The following PPM1E variants were observed in gnomAD, a reference collection of about 807,000 sequenced individuals.
PPM1E encodes protein phosphatase, Mg2+/Mn2+ dependent 1E, also known as protein phosphatase 1E.
In PPM1E, 20 loss-of-function variants were observed where a neutral mutation model predicts 65.9. That is an observed-to-expected ratio of 0.30 (90% CI 0.21 to 0.44). The LOEUF is 0.44. PPM1E is among the 20% of genes least tolerant of loss of function. PPM1E has a pLI of 1.00. For missense variants in PPM1E, 713 were observed against 953.1 expected (o/e 0.75, Z 3.32); for synonymous variants, 352 against 374.9 (o/e 0.94, Z 0.70).
intron 1 of PPM1E, among the ~76,000 whole-genome samples, chr17:58,866,490 G>A (rs527993477): frequency 1.3e-5 from 2 of 152,306 alleles, no homozygotes; most frequent in African/African-American, 2.4e-5. Context: ...GGAGTCTTAC[G>A]CCTTAGCGGC....
chr17:58,943,534 C>T (rs554510164), intron 1 of PPM1E, among the ~76,000 whole-genome samples: 3 of 152,278 alleles, frequency 2.0e-5, no homozygotes, highest in African/African-American at 7.2e-5. Context: ...TCTGATATGA[C>T]GATTTCATAT....
At chr17:58,828,126 G>A (rs1275950824) in intron 1 of PPM1E, among the ~76,000 whole-genome samples, 4 of 150,670 alleles carry the variant, frequency 2.7e-5, no homozygotes, top group African/African-American at 9.8e-5. Flanking sequence ...GGCTGAGGCA[G>A]GAGAATCACT....
rs999965295 is a variant in PPM1E, at chr17:58,982,726, T to C, written c.*1695T>C. ...ACTTTCAGTATTTGTTTTCTCTTGATTTTGAAGTCATTTCTTCTTCTCACG... is the reference window on the plus strand; with the variant it reads ...ACTTTCAGTATTTGTTTTCTCTTGACTTTGAAGTCATTTCTTCTTCTCACG... On this transcript the variant is annotated 3_prime_UTR_variant, in exon 7 of 7. Coordinates refer to ENST00000308249, the MANE Select transcript of PPM1E (RefSeq NM_014906.5). 7 of 529,742 alleles carry C rather than the reference T, an allele frequency of 1.3e-5. No individual in the cohort carries two copies. The highest frequency in any genetic ancestry group is 9.6e-5 in the African/African-American group (5 of 52,150). The allele number at this position is 529,742 out of a possible 1,614,324, so 32.8% of individuals were successfully genotyped here.
chr17:58,815,054 A>T (rs1373436613), intron 1 of PPM1E, among the ~76,000 whole-genome samples: 1 of 152,230 alleles, frequency 6.6e-6, no homozygotes, highest in Non-Finnish European at 1.5e-5. Context: ...AGTTATTGCC[A>T]TTGAATTCTT....
At chr17:58,955,496 G>A (rs2029869379) in intron 1 of PPM1E, 153 bp from the exon 2 acceptor site, 1 of 821,954 alleles carries the variant, frequency 1.2e-6, no homozygotes, top group Non-Finnish European at 2.0e-6. Context: ...CCAGTGCCCA[G>A]AGTGCCTACT....
chr17:58,899,385 C>G (rs1164579755), intron 1 of PPM1E: 1 of 166,250 alleles, frequency 6.0e-6, no homozygotes, highest in Non-Finnish European at 1.3e-5. Context: ...GAAGACCTCC[C>G]TCAAGCATGA....
intron 1 of PPM1E, among the ~76,000 whole-genome samples, chr17:58,772,488 T>G (rs1314640371): frequency 6.6e-6 from 1 of 151,580 alleles, no homozygotes; most frequent in Admixed American, 6.6e-5. Context: ...TGCAGAGGAT[T>G]TTATGGGGAC....
chr17:58,782,568 A>ATT (rs75113458), intron 1 of PPM1E, among the ~76,000 whole-genome samples: 3 of 141,574 alleles, frequency 2.1e-5, no homozygotes, highest in Non-Finnish European at 4.7e-5. Flanking sequence ...CGCCTGGCTA[A>ATT]TTTTTTTTTT....
chr17:58,965,834 A>G lies in PPM1E; in HGVS notation c.724A>G (p.Arg242Gly), dbSNP rs1323197048. 6.2e-7 allele frequency: 1 copy of G among 1,614,098 alleles called. No homozygotes were observed. Among genetic ancestry groups the G allele is most frequent in the Non-Finnish European group, 8.5e-7 (1 of 1,180,036 alleles). Residue 242 changes from arginine to glycine, a missense_variant, in exon 3 of 7, where the codon AGG becomes GGG. Physicochemically the swap from Arg to Gly is moderately radical, Grantham distance 125. Coordinates refer to ENST00000308249, the MANE Select transcript of PPM1E (RefSeq NM_014906.5). ...TSIHAIKNMRRKMEDKHVCIP... is the reference protein window; with the variant it reads ...TSIHAIKNMRGKMEDKHVCIP... Reference sequence around the variant, plus strand: ...AATCCATGCCATCAAAAACATGCGCAGGAAAATGGAGGACAAACATGTCTG... The same window carrying G: ...AATCCATGCCATCAAAAACATGCGCGGGAAAATGGAGGACAAACATGTCTG...
At chr17:58,893,679 C>T (rs544310770) in intron 1 of PPM1E, among the ~76,000 whole-genome samples, 8 of 151,994 alleles carry the variant, frequency 5.3e-5, no homozygotes, top group South Asian at 2.1e-4. Flanking sequence ...TATGGGCTGT[C>T]GATAGGGAGG....
In PPM1E at chr17:58,965,799, A is replaced by C; in HGVS notation, c.689A>C (p.Tyr230Ser). Reference protein sequence around the residue: ...FPLRRRPQLYYETSIHAIKNM... With the variant: ...FPLRRRPQLYSETSIHAIKNM... ...CTCCGCAGGAGACCCCAGCTTTATT[A>C]TGAGACATCAATCCATGCCATCAAA... The change falls in exon 3 of 7, where the codon TAT becomes TCT. Residue 230 changes from tyrosine (Y) to serine (S), a missense_variant. Transcript: ENST00000308249. 1 of 1,614,148 alleles carries C rather than the reference A, an allele frequency of 6.2e-7. No homozygotes were observed. Among genetic ancestry groups the C allele is most frequent in the Non-Finnish European group, 8.5e-7 (1 of 1,180,026 alleles).
Position 58,913,439 on chromosome 17 carries a change from GATA to G in PPM1E, c.465-42206_465-42204del, listed in dbSNP as rs142397878. ...TTTAGATGTACAGGAAAGCTGCTAAGATAATATGATAATTACCCAATGGGTTCT... is the reference window on the plus strand; with the variant it reads ...TTTAGATGTACAGGAAAGCTGCTAAGATATGATAATTACCCAATGGGTTCT... On this transcript the variant is annotated intron_variant, in intron 1 of 6. Coordinates refer to ENST00000308249, the MANE Select transcript of PPM1E (RefSeq NM_014906.5). Among the ~76,000 whole-genome samples, 35 of 152,292 alleles carry G rather than the reference GATA, an allele frequency of 2.3e-4. No homozygotes were observed. The East Asian group carries it at 6.0e-3, about 26-fold the overall frequency.
chr17:58,793,222 T>G (rs2050173239), intron 1 of PPM1E, among the ~76,000 whole-genome samples: 3 of 152,128 alleles, frequency 2.0e-5, no homozygotes, highest in South Asian at 2.1e-4. Context: ...CCTTCTTTGC[T>G]GATTCCCATG....
At chr17:58,766,604 TATAC>T (rs976410351) in intron 1 of PPM1E, among the ~76,000 whole-genome samples, 117 of 103,332 alleles carry the variant, frequency 1.1e-3, no homozygotes, top group East Asian at 8.2e-3. Context: ...TATGTGTGTG[TATAC>T]ACACACACAC....
chr17:58,832,960 G>A (rs2050619816), intron 1 of PPM1E, among the ~76,000 whole-genome samples: 1 of 151,990 alleles, frequency 6.6e-6, no homozygotes, highest in Admixed American at 6.6e-5. Flanking sequence ...TCACAGGCAT[G>A]CATCACTACT....
At chr17:58,779,222 C>G (rs2050028492) in intron 1 of PPM1E, among the ~76,000 whole-genome samples, 1 of 145,448 alleles carries the variant, frequency 6.9e-6, no homozygotes, top group Non-Finnish European at 1.5e-5. Flanking sequence ...GTTGCCCAAG[C>G]TGGAGTGCAA....
At chr17:58,763,785 A>G (rs1225831884) in intron 1 of PPM1E, among the ~76,000 whole-genome samples, 1 of 152,106 alleles carries the variant, frequency 6.6e-6, no homozygotes, top group East Asian at 1.9e-4. Context: ...GTGTTCCATT[A>G]TTGCTACTGA....
chr17:58,934,193 A>C (rs2143578846), intron 1 of PPM1E, among the ~76,000 whole-genome samples: 1 of 152,192 alleles, frequency 6.6e-6, no homozygotes, highest in South Asian at 2.1e-4. Flanking sequence ...AGCGTCTTTC[A>C]TTATAAGTCT....
At chr17:58,972,361 T>A in intron 5 of PPM1E, 86 bp downstream of exon 5, 1 of 1,452,068 alleles carries the variant, frequency 6.9e-7, no homozygotes, top group Middle Eastern at 2.5e-4. Context: ...CTTACTTTTT[T>A]TTTTTTTGAG....
Sources: allele counts gnomAD v4.1 joint callset (sites outside exome capture counted in the v4.1 genomes callset), GRCh38; gene constraint gnomAD v4.1.1; transcripts MANE v1.5; gene names NCBI Gene and HGNC (gene_info 2026-07-23, HGNC 2026-07-21).